The following ESRRG variants were observed in gnomAD, a reference collection of about 807,000 sequenced individuals.
ESRRG encodes estrogen-related receptor gamma.
Under a neutral mutation model 44.0 loss-of-function variants are expected in ESRRG, and 13 were observed. The ratio of observed to expected loss-of-function variants is 0.30; its 90% CI spans 0.19 to 0.47. ESRRG has a LOEUF of 0.47. Among genes scored for constraint, ESRRG ranks in the 20% least tolerant of loss-of-function variants. The pLI is 1.00. For synonymous variants in ESRRG, 215 were observed against 214.6 expected (o/e 1.00, Z -0.02); for missense variants, 395 against 580.6 (o/e 0.68, Z 3.29).
At chr1:216,774,154 T>A (rs1245220842) in intron 2 of ESRRG, among the ~76,000 whole-genome samples, 1 of 152,100 alleles carries the variant, frequency 6.6e-6, no homozygotes. Flanking sequence ...ACCACTGCAC[T>A]AGCCTCAGTG....
intron 1 of ESRRG, among the ~76,000 whole-genome samples, chr1:216,716,044 A>AT (rs768167660): frequency 1.3e-5 from 2 of 151,964 alleles, no homozygotes; most frequent in Non-Finnish European, 2.9e-5. Context: ...AAAGCGTAAG[A>AT]TTTTTTTGTT....
At chr1:216,808,278 A>G (rs2094861442) in intron 2 of ESRRG, among the ~76,000 whole-genome samples, 1 of 152,154 alleles carries the variant, frequency 6.6e-6, no homozygotes, top group Non-Finnish European at 1.5e-5. Flanking sequence ...CATAGATAAC[A>G]TGAGGTGCTA....
intron 1 of ESRRG, among the ~76,000 whole-genome samples, chr1:216,679,531 C>T (rs2076665962): frequency 6.6e-6 from 1 of 152,020 alleles, no homozygotes; most frequent in Admixed American, 6.6e-5. Context: ...CATGCTTGCT[C>T]CCCTTTCCTC....
At chr1:216,746,394 G>C (rs906850674) in intron 2 of ESRRG, among the ~76,000 whole-genome samples, 6 of 152,046 alleles carry the variant, frequency 3.9e-5, no homozygotes, top group African/African-American at 1.4e-4. Context: ...ATATTTACAG[G>C]CAAAATGCCC....
At chr1:216,517,862 G>A (rs1351109702) in intron 6 of ESRRG, among the ~76,000 whole-genome samples, 2 of 151,972 alleles carry the variant, frequency 1.3e-5, no homozygotes, top group Non-Finnish European at 2.9e-5. Context: ...TGAGGAAGAG[G>A]GTTATATTCA....
At chr1:216,654,694 G>GA (rs372992992) in intron 2 of ESRRG, among the ~76,000 whole-genome samples, 8 of 151,084 alleles carry the variant, frequency 5.3e-5, no homozygotes, top group African/African-American at 1.2e-4. Context: ...GACAAAAATG[G>GA]AAAAAAAGTG....
chr1:216,632,877 T>C (rs866550039), intron 3 of ESRRG, among the ~76,000 whole-genome samples: 4 of 152,330 alleles, frequency 2.6e-5, no homozygotes, highest in Middle Eastern at 3.4e-3. Context: ...GAGGGAATTA[T>C]TATAAAGTCA....
chr1:216,925,303 G>A (rs968081056), intron 2 of ESRRG, among the ~76,000 whole-genome samples: 1 of 152,056 alleles, frequency 6.6e-6, no homozygotes, highest in African/African-American at 2.4e-5. Context: ...TGGGCATGAT[G>A]GTGTGCACCT....
chr1:216,652,016 C>T (rs1212254796), intron 2 of ESRRG, among the ~76,000 whole-genome samples: 1 of 152,096 alleles, frequency 6.6e-6, no homozygotes, highest in Non-Finnish European at 1.5e-5. Flanking sequence ...TCAGCTCTGT[C>T]ACATAGTGCT....
At chr1:216,820,210 T>C (rs2095256695) in intron 2 of ESRRG, among the ~76,000 whole-genome samples, 1 of 152,248 alleles carries the variant, frequency 6.6e-6, no homozygotes, top group African/African-American at 2.4e-5. Flanking sequence ...ACACTCACAA[T>C]ACATAATACA....
At chr1:216,857,787 C>T (rs901365699) in intron 2 of ESRRG, among the ~76,000 whole-genome samples, 5 of 150,726 alleles carry the variant, frequency 3.3e-5, no homozygotes, top group African/African-American at 1.2e-4. Context: ...AAAAATGACA[C>T]GCCCATTTAC....
intron 1 of ESRRG, among the ~76,000 whole-genome samples, chr1:216,965,821 G>T (rs1330887287): frequency 6.6e-6 from 1 of 152,172 alleles, no homozygotes; most frequent in Non-Finnish European, 1.5e-5. Flanking sequence ...TTGTCATGTT[G>T]CCATGGTCTG....
intron 2 of ESRRG, among the ~76,000 whole-genome samples, chr1:216,781,597 A>G (rs901578867): frequency 1.3e-5 from 2 of 152,018 alleles, no homozygotes; most frequent in African/African-American, 4.8e-5. Context: ...TAGTGGACTA[A>G]TTAGAGCAAG....
intron 3 of ESRRG, among the ~76,000 whole-genome samples, chr1:216,603,945 C>G (rs372184733): frequency 7.9e-6 from 1 of 127,366 alleles, no homozygotes; most frequent in East Asian, 2.3e-4. Context: ...AACAAAAAAA[C>G]AAAAAAAAAA....
At chr1:216,932,719 G>GT (rs397860904) in intron 2 of ESRRG, among the ~76,000 whole-genome samples, 1,705 of 70,306 alleles carry the variant, frequency 0.024, 114 homozygotes, top group African/African-American at 0.039. Flanking sequence ...CACCAAACTT[G>GT]TTTTTTTTTT....
rs188960737 is a variant in ESRRG, at chr1:216,939,968, T to G, written c.-105-295A>C. ...TATTAATCTTCTGCTCCTCTCTTAT[T>G]TATAGCAAATGCTCTGGTTAGGGTT... On this transcript the variant is annotated intron_variant, in intron 1 of 7. Transcript: ENST00000359162. Among the ~76,000 whole-genome samples, 4 of 152,296 alleles carry G rather than the reference T, an allele frequency of 2.6e-5. No homozygotes were observed. In the East Asian group the frequency reaches 7.7e-4, roughly 29 times the overall value.
chr1:216,569,606 C>T (rs2060414953), intron 3 of ESRRG, among the ~76,000 whole-genome samples: 4 of 152,084 alleles, frequency 2.6e-5, no homozygotes, highest in South Asian at 2.1e-4. Context: ...TAGCACAGGA[C>T]CATATAAGTC....
chr1:216,852,655 T>A (rs1039883409), intron 2 of ESRRG, among the ~76,000 whole-genome samples: 1 of 152,144 alleles, frequency 6.6e-6, no homozygotes, highest in Non-Finnish European at 1.5e-5. Flanking sequence ...TTGAATAAAA[T>A]TTGATTTATA....
intron 3 of ESRRG, among the ~76,000 whole-genome samples, chr1:216,586,060 TAA>T (rs2063733398): frequency 4.5e-5 from 2 of 44,690 alleles, no homozygotes; most frequent in Non-Finnish European, 1.1e-4. Context: ...AATTAATTAA[TAA>T]AGTTATTTTT....
Sources: gnomAD v4.1 joint callset for allele counts (sites outside exome capture counted in the v4.1 genomes callset) on GRCh38, gnomAD v4.1.1 for gene constraint, MANE v1.5 for transcripts, NCBI Gene and HGNC (gene_info 2026-07-23, HGNC 2026-07-21) for gene names.